Variants in ANKRD11 observed in about 807,000 individuals in gnomAD.
ANKRD11 encodes ankyrin repeat domain-containing protein 11.
ANKRD11 carries 17 observed loss-of-function variants against 195.7 expected under a neutral mutation model. The observed-to-expected ratio is 0.09, with a 90% CI of 0.06 to 0.13. ANKRD11 has a LOEUF of 0.13. Among genes scored for constraint, ANKRD11 ranks in the 10% least tolerant of loss-of-function variants. ANKRD11 has a pLI of 1.00. For synonymous variants in ANKRD11, 1,953 were observed against 1,528.1 expected (o/e 1.28, Z -6.49); for missense variants, 3,735 against 3,566.1 (o/e 1.05, Z -1.21).
chr16:89,346,707 C>G (rs150322129), intron 2 of ANKRD11, among the ~76,000 whole-genome samples: 2 of 152,264 alleles, frequency 1.3e-5, no homozygotes, highest in East Asian at 1.9e-4. Flanking sequence ...AGATGCTATA[C>G]AGCAAGGTGG....
chr16:89,324,795 G>C (rs767328337), intron 2 of ANKRD11: 5 of 288,952 alleles, frequency 1.7e-5, no homozygotes, highest in African/African-American at 1.1e-4. Flanking sequence ...TTGGCTTCCC[G>C]ACTTTTGAGG....
intron 1 of ANKRD11, among the ~76,000 whole-genome samples, chr16:89,474,885 A>G (rs940473644): frequency 1.3e-5 from 2 of 152,266 alleles, no homozygotes; most frequent in Admixed American, 6.5e-5. Context: ...AATGTAAGTT[A>G]AATCTTCAAA....
chr16:89,305,723 A>T (rs1171684267), intron 3 of ANKRD11, among the ~76,000 whole-genome samples: 12 of 39,098 alleles, frequency 3.1e-4, no homozygotes, highest in Non-Finnish European at 4.8e-4. Context: ...GCCACCTCCC[A>T]CTCCGCAGAC....
intron 1 of ANKRD11, among the ~76,000 whole-genome samples, chr16:89,443,136 C>CAT (rs1567813211): frequency 6.6e-6 from 1 of 152,154 alleles, no homozygotes; most frequent in African/African-American, 2.4e-5. Flanking sequence ...GGATTACAGG[C>CAT]ATGCATCACC....
intron 4 of ANKRD11, among the ~76,000 whole-genome samples, chr16:89,304,409 T>C (rs2036041154): frequency 7.0e-6 from 1 of 142,246 alleles, no homozygotes; most frequent in South Asian, 2.2e-4. Context: ...CATACACACA[T>C]GAGCGCACAT....
At chr16:89,411,595 G>A (rs1467325206) in intron 2 of ANKRD11, among the ~76,000 whole-genome samples, 1 of 151,906 alleles carries the variant, frequency 6.6e-6, no homozygotes, top group Non-Finnish European at 1.5e-5. Context: ...TGTATTTTTT[G>A]GAGAGATGGG....
In ANKRD11 at chr16:89,291,184, CTG is replaced by C. The variant is rs2035040010; in HGVS notation, c.227-3_227-2del. On this transcript the variant is annotated splice_acceptor_variant and splice_polypyrimidine_tract_variant and intron_variant, in intron 4 of 12. Coordinates refer to ENST00000301030, the MANE Select transcript of ANKRD11 (RefSeq NM_013275.6). LOFTEE classifies it high-confidence loss of function. This position sits in a 1 kb window ranked among gnomAD's most constrained non-coding sequence, Gnocchi z 5.3. ...CTCTTCCGCTCAGGGCCCTGCTTCT[CTG>C]TGAGGCGGGCGAGGGAGAGAGGGAG... The C allele has an allele frequency of 1.2e-6, 2 of 1,613,572 alleles. No individual in the cohort carries two copies. Among genetic ancestry groups the C allele is most frequent in the Admixed American group, 1.7e-5 (1 of 60,026 alleles).
chr16:89,380,574 T>C (rs1209715260), intron 2 of ANKRD11, among the ~76,000 whole-genome samples: 1 of 152,196 alleles, frequency 6.6e-6, no homozygotes, highest in Non-Finnish European at 1.5e-5. Flanking sequence ...CCCGCTGCCT[T>C]GGGACTTGTG....
chr16:89,296,141 C>T (rs1302110047), intron 4 of ANKRD11, among the ~76,000 whole-genome samples: 2 of 151,886 alleles, frequency 1.3e-5, no homozygotes, highest in East Asian at 3.9e-4. Flanking sequence ...GGTGGGTGTG[C>T]CTCTGGCTGC....
chr16:89,314,431 A>G (rs1230292592), intron 3 of ANKRD11, among the ~76,000 whole-genome samples: 1 of 152,152 alleles, frequency 6.6e-6, no homozygotes, highest in Non-Finnish European at 1.5e-5. Flanking sequence ...TCCTTAAACA[A>G]GAGAACAACT....
chr16:89,450,803 G>A (rs561852943), intron 1 of ANKRD11, among the ~76,000 whole-genome samples: 1 of 152,066 alleles, frequency 6.6e-6, no homozygotes, highest in East Asian at 1.9e-4. Context: ...GGCCTGTCAA[G>A]ACATTCTAAA....
chr16:89,465,979 G>C lies in ANKRD11; in HGVS notation c.-145+24266C>G, dbSNP rs148450781. 2.0e-3 allele frequency among the ~76,000 whole-genome samples: 306 copies of C among 152,252 alleles called. 1 individual carries two copies. The highest frequency in any genetic ancestry group is 7.2e-3 in the African/African-American group (298 of 41,550). On this transcript the variant is annotated intron_variant, in intron 1 of 12. Transcript: ENST00000301030. ...CCCGCCTCGGCCTCCCAAAGTGCTG[G>C]AATTACAGGCGTGAGCCACCGCGCC...
Position 89,449,609 on chromosome 16 carries a change from C to T in ANKRD11, c.-144-31241G>A, listed in dbSNP as rs573382799. On this transcript the variant is annotated intron_variant, in intron 1 of 12. Transcript: ENST00000301030. ...GAGAGTTCGAGACCAGCCTGACCAA[C>T]ATGGAGAAACCCCGTCTCTACTAAA... is the stretch of plus-strand genomic sequence containing the variant. Among the ~76,000 whole-genome samples the T allele has an allele frequency of 2.6e-5, 4 of 152,130 alleles. No individual in the cohort carries two copies. The East Asian group carries it at 7.7e-4, about 29-fold the overall frequency.
intron 2 of ANKRD11, among the ~76,000 whole-genome samples, chr16:89,404,245 C>T (rs929862544): frequency 6.6e-5 from 10 of 152,188 alleles, no homozygotes; most frequent in Admixed American, 1.3e-4. Context: ...GAACCCTGTT[C>T]TAGTCTCCTA....
intron 2 of ANKRD11, among the ~76,000 whole-genome samples, chr16:89,320,588 G>A (rs1433244724): frequency 1.3e-5 from 2 of 152,124 alleles, no homozygotes; most frequent in Admixed American, 6.5e-5. Context: ...TCCCAGCTTC[G>A]TGGACTGTCA....
chr16:89,454,342 A>AAGT (rs1320795417), intron 1 of ANKRD11, among the ~76,000 whole-genome samples: 2 of 152,064 alleles, frequency 1.3e-5, no homozygotes, highest in Non-Finnish European at 2.9e-5. Flanking sequence ...CAAGGATCCG[A>AAGT]CCCACATGGG....
intron 2 of ANKRD11, among the ~76,000 whole-genome samples, chr16:89,329,269 A>C (rs997971464): frequency 6.6e-6 from 1 of 152,252 alleles, no homozygotes; most frequent in African/African-American, 2.4e-5. Context: ...ATCTGAATCA[A>C]GTCTGCAGGG....
intron 2 of ANKRD11, among the ~76,000 whole-genome samples, chr16:89,336,268 T>C (rs1324988060): frequency 6.6e-6 from 1 of 152,154 alleles, no homozygotes; most frequent in African/African-American, 2.4e-5. Context: ...GGTGCCTGGC[T>C]GGGAGCAGGT....
chr16:89,437,535 G>A (rs1028038856), intron 1 of ANKRD11, among the ~76,000 whole-genome samples: 2 of 151,968 alleles, frequency 1.3e-5, no homozygotes, highest in Non-Finnish European at 1.5e-5. Flanking sequence ...CATCTCCCCT[G>A]AGCAAACAGT....
Sources: gnomAD v4.1 joint callset for allele counts (sites outside exome capture counted in the v4.1 genomes callset) on GRCh38, gnomAD v4.1.1 for gene constraint, Gnocchi (gnomAD v3.1) non-coding constraint, MANE v1.5 for transcripts, NCBI Gene and HGNC (gene_info 2026-07-23, HGNC 2026-07-21) for gene names.